Variants in STPG2 observed in about 807,000 individuals in gnomAD.
STPG2 encodes the protein sperm-tail PG-rich repeat-containing protein 2.
Under a neutral mutation model 54.2 loss-of-function variants are expected in STPG2, and 56 were observed. The observed-to-expected ratio is 1.03, with a 90% CI of 0.83 to 1.29. The LOEUF (loss-of-function observed/expected upper bound fraction) is 1.29. Ranked by LOEUF, STPG2 falls within the 50% of genes most tolerant of loss-of-function variation. The pLI is 0.00. For synonymous variants in STPG2, 200 were observed against 181.8 expected, an observed-to-expected ratio of 1.10 and a Z score of -0.81; for missense variants, 596 against 544.9, an observed-to-expected ratio of 1.09 and a Z score of -0.93.
At chr4:97,750,554 T>C (rs1048597451) in intron 9 of STPG2, among the ~76,000 whole-genome samples, 3 of 151,616 alleles carry the variant, frequency 2.0e-5, no homozygotes, top group African/African-American at 7.3e-5. Flanking sequence ...GTAACTGATG[T>C]TAAGGGAGGA....
intron 10 of STPG2, among the ~76,000 whole-genome samples, chr4:97,639,078 A>G (rs942396700): frequency 6.6e-6 from 1 of 152,092 alleles, no homozygotes; most frequent in African/African-American, 2.4e-5. Context: ...CACAATAGCA[A>G]AGACTTGGAA....
chr4:97,470,723 C>T (rs1176034345), intron 4 of STPG2, among the ~76,000 whole-genome samples: 1 of 152,012 alleles, frequency 6.6e-6, no homozygotes, highest in Non-Finnish European at 1.5e-5. Flanking sequence ...TCTTATTGTA[C>T]TGTATGCACA....
chr4:98,138,499 T>C (rs1363077835), intron 1 of STPG2, among the ~76,000 whole-genome samples: 1 of 152,044 alleles, frequency 6.6e-6, no homozygotes, highest in Non-Finnish European at 1.5e-5. Context: ...GTGGGCAGTA[T>C]GTGATTAAAG....
At chr4:98,047,858 T>C (rs1259039405) in intron 5 of STPG2, among the ~76,000 whole-genome samples, 1 of 152,228 alleles carries the variant, frequency 6.6e-6, no homozygotes, top group Non-Finnish European at 1.5e-5. Flanking sequence ...TATTCTGAGA[T>C]TTTAAAATGT....
intron 7 of STPG2, among the ~76,000 whole-genome samples, chr4:97,964,209 C>T (rs759394278): frequency 1.3e-5 from 2 of 152,282 alleles, no homozygotes; most frequent in South Asian, 2.1e-4. Context: ...CATCAGTCCT[C>T]CTTGCCCTAA....
intron 10 of STPG2, among the ~76,000 whole-genome samples, chr4:97,668,892 A>G (rs1306089020): frequency 1.3e-5 from 2 of 152,124 alleles, no homozygotes; most frequent in Admixed American, 6.5e-5. Context: ...TGTTTGGATT[A>G]AGTGGTATAA....
At chr4:97,920,508 G>A (rs921523) in intron 8 of STPG2, among the ~76,000 whole-genome samples, 57,423 of 152,002 alleles carry the variant, frequency 0.38, 10,933 homozygotes, top group Middle Eastern at 0.46. Context: ...TTGATGTTAC[G>A]TAGTGAGGGC....
rs1729089081 is a variant in STPG2, at chr4:97,441,790, CATATAT to C, written c.463-253963_463-253958del. Among the ~76,000 whole-genome samples, 3 of 151,956 alleles carry C rather than the reference CATATAT, an allele frequency of 2.0e-5. No individual in the cohort carries two copies. In the South Asian group the frequency reaches 6.2e-4, roughly 32 times the overall value. The stretch of plus-strand genomic sequence containing the variant: ...TGCTGAAGATTTGAGTACTTAAAGG[CATATAT>C]AGAAGTATATATTCTGCAATTGTTT... On this transcript the variant is annotated intron_variant, in intron 4 of 4. Coordinates refer to the STPG2 transcript ENST00000522676.
chr4:97,574,325 G>C (rs539335756), intron 10 of STPG2, among the ~76,000 whole-genome samples: 1 of 151,944 alleles, frequency 6.6e-6, no homozygotes, highest in African/African-American at 2.4e-5. Flanking sequence ...TAAAATAAAA[G>C]ACAGATTGAC....
At position 97,515,384 on chromosome 4, in the gene STPG2, A is replaced by G. The variant is rs116861636; in HGVS notation, c.462+197315T>C. Among the ~76,000 whole-genome samples the G allele has an allele frequency of 3.7e-4, 56 of 152,198 alleles. No individual in the cohort carries two copies. In the East Asian group the frequency reaches 0.011, roughly 29 times the overall value. Reference sequence around the variant, plus strand: ...TTCATTGTCACAGAAAGACAGCCTCATTGTAAAGACCACATATCAAGTAAA... The same window carrying G: ...TTCATTGTCACAGAAAGACAGCCTCGTTGTAAAGACCACATATCAAGTAAA... On this transcript the variant is annotated intron_variant, in intron 4 of 4. Coordinates refer to the STPG2 transcript ENST00000522676.
At chr4:97,687,034 G>A (rs577937812) in intron 10 of STPG2, among the ~76,000 whole-genome samples, 287 of 151,430 alleles carry the variant, frequency 1.9e-3, no homozygotes, top group Non-Finnish European at 3.5e-3. Flanking sequence ...TCCGCCTCCC[G>A]GGTTCACGCC....
intron 4 of STPG2, among the ~76,000 whole-genome samples, chr4:97,496,288 G>T (rs1730609494): frequency 1.3e-5 from 2 of 151,576 alleles, no homozygotes; most frequent in African/African-American, 4.8e-5. Context: ...ACTTGCCTAG[G>T]TCAATATGGA....
chr4:98,018,865 G>C (rs112458962), intron 5 of STPG2, among the ~76,000 whole-genome samples: 1 of 150,804 alleles, frequency 6.6e-6, no homozygotes, highest in Non-Finnish European at 1.5e-5. Context: ...TGATGGGGTT[G>C]TTTGTTTTTT....
At chr4:97,645,486 G>GCAACTTCAGTTCT (rs1721886507) in intron 10 of STPG2, among the ~76,000 whole-genome samples, 1 of 152,106 alleles carries the variant, frequency 6.6e-6, no homozygotes, top group African/African-American at 2.4e-5. Flanking sequence ...TGCAAATACT[G>GCAACTTCAGTTCT]TATCCAGAAT....
chr4:97,978,973 G>A lies in STPG2; in HGVS notation c.772+2186C>T, dbSNP rs75047810. 7.1e-3 allele frequency among the ~76,000 whole-genome samples: 1,081 copies of A among 152,172 alleles called. 14 individuals are homozygous for A. Among genetic ancestry groups the A allele is most frequent in the South Asian group, 0.017 (84 of 4,826 alleles). ...ACAATGGTGCCCTAACAACTTAAGG[G>A]TGTTAAAAACATAATAGCCTCAAAG... On this transcript the variant is annotated intron_variant, in intron 6 of 10. Transcript: ENST00000295268.
chr4:97,580,955 T>A (rs945238817), intron 10 of STPG2, among the ~76,000 whole-genome samples: 1 of 152,060 alleles, frequency 6.6e-6, no homozygotes, highest in Non-Finnish European at 1.5e-5. Flanking sequence ...CAGGGTTTTT[T>A]AATCAGAAAA....
At chr4:97,851,808 C>T (rs1729166805) in intron 8 of STPG2, among the ~76,000 whole-genome samples, 1 of 152,158 alleles carries the variant, frequency 6.6e-6, no homozygotes, top group South Asian at 2.1e-4. Context: ...GTTTTCATGA[C>T]CACTTTTGAC....
intron 10 of STPG2, among the ~76,000 whole-genome samples, chr4:97,701,624 G>A (rs1723777233): frequency 6.6e-6 from 1 of 152,126 alleles, no homozygotes; most frequent in Non-Finnish European, 1.5e-5. Flanking sequence ...ATTGATTGAG[G>A]GGCCGTGATT....
chr4:97,558,463 C>T (rs1166550426), downstream of STPG2, among the ~76,000 whole-genome samples: 1 of 152,182 alleles, frequency 6.6e-6, no homozygotes, highest in African/African-American at 2.4e-5. Context: ...AAAAGCCTGA[C>T]TTCACTTATT....
Sources: gnomAD v4.1 joint callset for allele counts (sites outside exome capture counted in the v4.1 genomes callset) on GRCh38, gnomAD v4.1.1 for gene constraint, MANE v1.5 for transcripts, NCBI Gene and HGNC (gene_info 2026-07-23, HGNC 2026-07-21) for gene names.